The following ANO1 variants were observed in gnomAD, a reference collection of about 807,000 sequenced individuals.
ANO1 encodes the protein anoctamin 1.
ANO1 carries 59 observed loss-of-function variants against 124.0 expected under a neutral mutation model. That is an observed-to-expected ratio of 0.48 (90% confidence interval 0.39 to 0.59). ANO1 has a LOEUF of 0.59. Among genes scored for constraint, ANO1 ranks in the 20% least tolerant of loss-of-function variants. The pLI, the probability that ANO1 is intolerant of heterozygous loss-of-function variation, is 0.00. For missense variants in ANO1, 1,059 were observed against 1,328.0 expected (o/e 0.80, Z 3.15); for synonymous variants, 529 against 532.0 (o/e 0.99, Z 0.08).
intron 1 of ANO1, among the ~76,000 whole-genome samples, chr11:70,069,015 C>T (rs1857801398): frequency 6.6e-6 from 1 of 152,208 alleles, no homozygotes; most frequent in African/African-American, 2.4e-5. Context: ...GGCTTCATGC[C>T]TCAGGACCTC....
At chr11:69,967,813 G>C in the ANO1 span, among the ~76,000 whole-genome samples, 1 of 152,208 alleles carries the variant, frequency 6.6e-6, no homozygotes, top group African/African-American at 2.4e-5. Context: ...ATTGAAAAGA[G>C]GGGCTGAGAA....
At chr11:69,994,108 C>CT (rs1318899996) in intron 1 of ANO1, among the ~76,000 whole-genome samples, 1 of 151,358 alleles carries the variant, frequency 6.6e-6, no homozygotes, top group African/African-American at 2.4e-5. Context: ...CGTTAACCCC[C>CT]CCCCACAGTC....
the ANO1 span, among the ~76,000 whole-genome samples, chr11:69,972,509 C>T: frequency 6.6e-6 from 1 of 152,120 alleles, no homozygotes; most frequent in African/African-American, 2.4e-5. Context: ...TACGTATTTC[C>T]TTTGAAAACT....
At chr11:70,169,095 C>A (rs983008332) in intron 21 of ANO1, among the ~76,000 whole-genome samples, 1 of 152,196 alleles carries the variant, frequency 6.6e-6, no homozygotes, top group African/African-American at 2.4e-5. Context: ...AGGGTCGCTC[C>A]TTCCACAGGA....
intron 1 of ANO1, among the ~76,000 whole-genome samples, chr11:69,992,394 G>A (rs1303628819): frequency 6.6e-6 from 1 of 152,128 alleles, no homozygotes; most frequent in Non-Finnish European, 1.5e-5. Context: ...TAATACTCAC[G>A]TTAAGTTATA....
rs1364466363 is a variant in ANO1, at chr11:70,188,173, T to A, written c.*169T>A. On this transcript the variant is annotated 3_prime_UTR_variant, in exon 26 of 26. Coordinates refer to ENST00000355303, the MANE Select transcript of ANO1 (RefSeq NM_018043.7). ...TTTTCCTTTCTTCTTTCTGTTTTCT[T>A]TCCCTTGTTTTTGCACAAAGCCATT... is the stretch of plus-strand genomic sequence containing the variant. 3 of 826,630 alleles carry A rather than the reference T, an allele frequency of 3.6e-6. No homozygotes were observed. The highest frequency in any genetic ancestry group is 5.5e-6 in the Non-Finnish European group (3 of 545,734). 51.2% of individuals were successfully genotyped at this position (826,630 alleles called of 1,614,324 possible).
intron 1 of ANO1, among the ~76,000 whole-genome samples, chr11:70,056,717 A>G (rs1239940952): frequency 6.6e-6 from 1 of 151,558 alleles, no homozygotes; most frequent in African/African-American, 2.4e-5. Context: ...CACTTCAAAT[A>G]TTGCTTCTGC....
At chr11:69,971,463 T>C in the ANO1 span, among the ~76,000 whole-genome samples, 2 of 152,232 alleles carry the variant, frequency 1.3e-5, no homozygotes, top group African/African-American at 4.8e-5. Context: ...GTTGAATTTG[T>C]ATAGAGGCCA....
At chr11:70,000,499 T>G (rs61886367) in intron 1 of ANO1, among the ~76,000 whole-genome samples, 74,187 of 151,878 alleles carry the variant, frequency 0.49, 19,350 homozygotes, top group East Asian at 0.89. Context: ...GGCTGAAATT[T>G]CAAAGCGCAT....
the ANO1 span, among the ~76,000 whole-genome samples, chr11:69,971,540 TTTTTTC>T: frequency 1.3e-5 from 2 of 152,326 alleles, no homozygotes; most frequent in East Asian, 3.9e-4. Flanking sequence ...AAACTTTTCA[TTTTTTC>T]TTTTTCTTTT....
intron 1 of ANO1, among the ~76,000 whole-genome samples, chr11:69,994,103 A>AC (rs35126450): frequency 0.28 from 41,625 of 147,634 alleles, 6,188 homozygotes; most frequent in African/African-American, 0.32. Context: ...TTTGTCGTTA[A>AC]CCCCCCCCCA....
At chr11:70,047,120 A>G (rs572568097) in intron 1 of ANO1, among the ~76,000 whole-genome samples, 3 of 151,642 alleles carry the variant, frequency 2.0e-5, no homozygotes, top group Admixed American at 6.6e-5. Flanking sequence ...AAGAAAAAGG[A>G]CATTAAGTAA....
At chr11:70,003,603 A>ATGGGTGGGTGGT (rs369233004) in intron 1 of ANO1, among the ~76,000 whole-genome samples, 1 of 74,436 alleles carries the variant, frequency 1.3e-5, no homozygotes, top group Admixed American at 1.6e-4. Context: ...GGGTGGATGG[A>ATGGGTGGGTGGT]TGGATGGATG....
intron 2 of ANO1, among the ~76,000 whole-genome samples, chr11:70,095,391 AAAGAAAGAAAGAAAGAAAGAAAG>A (rs2044879298): frequency 2.7e-5 from 1 of 37,516 alleles, no homozygotes; most frequent in Non-Finnish European, 6.7e-5. Flanking sequence ...AGAAAGAAAG[AAAGAAAGAAAGAAAGAAAGAAAG>A]AAAGAAAGAA....
chr11:70,150,767 A>G lies in ANO1; in HGVS notation c.1341+975A>G, dbSNP rs12419196. Among the ~76,000 whole-genome samples, 12 of 146,896 alleles carry G rather than the reference A, an allele frequency of 8.2e-5. No homozygotes were observed. In the South Asian group the frequency reaches 1.5e-3, roughly 18 times the overall value. ...GCCCAGGCTACACATGCTCCCTTTTAAAAAAAAAAGAACTTTTTCATGCAT... is the reference window on the plus strand; with the variant it reads ...GCCCAGGCTACACATGCTCCCTTTTGAAAAAAAAAGAACTTTTTCATGCAT... On this transcript the variant is annotated intron_variant, in intron 12 of 25. Coordinates refer to ENST00000355303, the MANE Select transcript of ANO1 (RefSeq NM_018043.7).
intron 1 of ANO1, among the ~76,000 whole-genome samples, chr11:70,019,227 G>A (rs1160432330): frequency 4.3e-5 from 6 of 138,544 alleles, no homozygotes; most frequent in Non-Finnish European, 7.7e-5. Context: ...TGCAGGGGAG[G>A]GAAAGAAGAA....
At chr11:69,989,929 G>C (rs1856121480) in intron 1 of ANO1, among the ~76,000 whole-genome samples, 1 of 152,176 alleles carries the variant, frequency 6.6e-6, no homozygotes, top group Non-Finnish European at 1.5e-5. Context: ...AGGTTTGGGT[G>C]GGGATAAGTG....
intron 1 of ANO1, among the ~76,000 whole-genome samples, chr11:70,054,006 G>A (rs1857393637): frequency 6.6e-6 from 1 of 152,166 alleles, no homozygotes; most frequent in African/African-American, 2.4e-5. Context: ...TTTCCTGTCT[G>A]TAGAAACTGT....
At chr11:70,090,206 A>G (rs556344289) in intron 2 of ANO1, among the ~76,000 whole-genome samples, 3 of 151,762 alleles carry the variant, frequency 2.0e-5, no homozygotes, top group Non-Finnish European at 2.9e-5. Flanking sequence ...ACAGGGTTTC[A>G]CTGTGTTAGC....
Sources: allele counts gnomAD v4.1 joint callset (sites outside exome capture counted in the v4.1 genomes callset), GRCh38; gene constraint gnomAD v4.1.1; transcripts MANE v1.5; gene names NCBI Gene and HGNC (gene_info 2026-07-23, HGNC 2026-07-21).